Variants in PRKCE observed in about 807,000 individuals in gnomAD.
PRKCE encodes protein kinase C epsilon, also known as protein kinase C epsilon type.
PRKCE carries 16 observed loss-of-function variants against 85.4 expected under a neutral mutation model. That is an observed-to-expected ratio of 0.19 (90% CI 0.13 to 0.28). The LOEUF is 0.28. PRKCE is among the 10% of genes least tolerant of loss of function. PRKCE has a pLI of 1.00. For synonymous variants in PRKCE, 388 were observed against 371.5 expected (o/e 1.04, Z -0.51); for missense variants, 573 against 975.2 (o/e 0.59, Z 5.49).
At chr2:45,790,178 T>C (rs908556136) in intron 1 of PRKCE, among the ~76,000 whole-genome samples, 14 of 152,236 alleles carry the variant, frequency 9.2e-5, no homozygotes, top group Admixed American at 1.3e-4. Flanking sequence ...AATGCACATA[T>C]GCATAAATGA....
chr2:45,715,525 A>G (rs1459389194), intron 1 of PRKCE, among the ~76,000 whole-genome samples: 1 of 152,062 alleles, frequency 6.6e-6, no homozygotes, highest in East Asian at 1.9e-4. Context: ...AGTGTCCTTC[A>G]TTGTCACAGG....
At chr2:46,136,011 T>C (rs1480313976) in intron 11 of PRKCE, among the ~76,000 whole-genome samples, 8 of 152,052 alleles carry the variant, frequency 5.3e-5, no homozygotes, top group Non-Finnish European at 8.8e-5. Flanking sequence ...AATATTCCCA[T>C]CTGATTGACC....
At chr2:45,817,777 C>A in intron 1 of PRKCE, among the ~76,000 whole-genome samples, 1 of 152,304 alleles carries the variant, frequency 6.6e-6, no homozygotes, top group East Asian at 1.9e-4. Flanking sequence ...CTGCAGTCAC[C>A]CTATAGATGG....
intron 2 of PRKCE, among the ~76,000 whole-genome samples, chr2:45,932,197 T>C (rs1256514488): frequency 6.6e-6 from 1 of 152,232 alleles, no homozygotes; most frequent in Non-Finnish European, 1.5e-5. Flanking sequence ...TATACTGTTG[T>C]GTCTGGTTTT....
intron 1 of PRKCE, among the ~76,000 whole-genome samples, chr2:45,819,153 A>G (rs887124037): frequency 1.3e-4 from 20 of 152,200 alleles, no homozygotes; most frequent in Non-Finnish European, 2.4e-4. Flanking sequence ...TCTGTCAGGC[A>G]TAGTTTCTAT....
chr2:45,884,039 G>T (rs185321772), intron 2 of PRKCE, among the ~76,000 whole-genome samples: 1 of 152,196 alleles, frequency 6.6e-6, no homozygotes, highest in Admixed American at 6.5e-5. Context: ...AGTGAGTGGC[G>T]TTGTGGACTG....
At chr2:45,673,992 TC>T (rs1558542629) in intron 1 of PRKCE, among the ~76,000 whole-genome samples, 1 of 152,224 alleles carries the variant, frequency 6.6e-6, no homozygotes, top group Non-Finnish European at 1.5e-5. Context: ...TGTTCACAAA[TC>T]AATTGTTGCT....
chr2:45,806,581 C>A (rs1340585924), intron 1 of PRKCE, among the ~76,000 whole-genome samples: 1 of 152,176 alleles, frequency 6.6e-6, no homozygotes, highest in Non-Finnish European at 1.5e-5. Context: ...AAACAGCAAC[C>A]CCCATTCCCC....
intron 11 of PRKCE, among the ~76,000 whole-genome samples, chr2:46,102,833 C>T (rs1671365620): frequency 6.6e-6 from 1 of 152,186 alleles, no homozygotes; most frequent in Non-Finnish European, 1.5e-5. Flanking sequence ...ATCAAAGGTC[C>T]ATACTATCAA....
intron 11 of PRKCE, among the ~76,000 whole-genome samples, chr2:46,121,502 C>A (rs1043713548): frequency 4.6e-5 from 7 of 152,156 alleles, no homozygotes; most frequent in Non-Finnish European, 1.0e-4. Flanking sequence ...CAACTCCCTG[C>A]CCAGTCTGTA....
intron 1 of PRKCE, among the ~76,000 whole-genome samples, chr2:45,661,371 C>G (rs1675632481): frequency 6.6e-6 from 1 of 151,872 alleles, no homozygotes; most frequent in Non-Finnish European, 1.5e-5. Context: ...TTAGTAGAAA[C>G]AGGGTTTCAC....
intron 13 of PRKCE, among the ~76,000 whole-genome samples, chr2:46,158,765 C>T (rs759303343): frequency 1.4e-4 from 21 of 152,190 alleles, no homozygotes; most frequent in Non-Finnish European, 2.5e-4. Context: ...GCCATTATTT[C>T]GGGTAGCTAT....
chr2:46,135,248 A>G (rs1674845183), intron 11 of PRKCE, among the ~76,000 whole-genome samples: 1 of 152,232 alleles, frequency 6.6e-6, no homozygotes, highest in Non-Finnish European at 1.5e-5. Flanking sequence ...TGAGTTAGAA[A>G]CAACCACCAC....
chr2:46,071,014 A>T (rs1226021848), intron 10 of PRKCE, among the ~76,000 whole-genome samples: 1 of 152,224 alleles, frequency 6.6e-6, no homozygotes, highest in East Asian at 1.9e-4. Flanking sequence ...GCCAAGATGG[A>T]GATGGTTTGC....
At chr2:45,717,477 C>T (rs1680234548) in intron 1 of PRKCE, among the ~76,000 whole-genome samples, 1 of 152,190 alleles carries the variant, frequency 6.6e-6, no homozygotes, top group African/African-American at 2.4e-5. Flanking sequence ...GTTTTACTTG[C>T]AAAGGAATCC....
intron 1 of PRKCE, among the ~76,000 whole-genome samples, chr2:45,833,848 C>T (rs1380137914): frequency 6.6e-6 from 1 of 152,208 alleles, no homozygotes; most frequent in Non-Finnish European, 1.5e-5. Flanking sequence ...TACATTTCTG[C>T]TATTAGTGCT....
At chr2:45,656,235 T>TA (rs1675373972) in intron 1 of PRKCE, among the ~76,000 whole-genome samples, 1 of 152,256 alleles carries the variant, frequency 6.6e-6, no homozygotes. Context: ...CATGTAGTTA[T>TA]AACTTTTCTT....
chr2:45,988,690 C>T (rs1039228503), intron 6 of PRKCE, among the ~76,000 whole-genome samples: 7 of 152,174 alleles, frequency 4.6e-5, no homozygotes, highest in Non-Finnish European at 1.0e-4. Context: ...GTGCCTGCTG[C>T]GTCTGAGTCT....
intron 14 of PRKCE, among the ~76,000 whole-genome samples, chr2:46,171,484 G>T (rs1218429550): frequency 6.6e-6 from 1 of 152,236 alleles, no homozygotes; most frequent in Non-Finnish European, 1.5e-5. Context: ...GCAGATGGCT[G>T]CATTGATGCC....
Sources: gnomAD v4.1 joint callset for allele counts (sites outside exome capture counted in the v4.1 genomes callset) on GRCh38, gnomAD v4.1.1 for gene constraint, MANE v1.5 for transcripts, NCBI Gene and HGNC (gene_info 2026-07-23, HGNC 2026-07-21) for gene names.